Variants in PABPC4 observed in about 807,000 individuals in gnomAD.
PABPC4 encodes the protein polyadenylate-binding protein 4.
PABPC4 carries 15 observed loss-of-function variants against 74.5 expected under a neutral mutation model. The ratio of observed to expected loss-of-function variants is 0.20; its 90% CI spans 0.13 to 0.31. The LOEUF is 0.31. PABPC4 is among the 10% of genes least tolerant of loss of function. PABPC4 has a pLI of 1.00. For missense variants in PABPC4, 610 were observed against 853.5 expected (o/e 0.71, Z 3.55); for synonymous variants, 345 against 303.0 (o/e 1.14, Z -1.44).
Position 39,576,119 on chromosome 1 carries a change from G to A in PABPC4, c.-168C>T. 1.9e-6 allele frequency: 1 copy of A among 520,734 alleles called. No individual in the cohort carries two copies. The highest frequency in any genetic ancestry group is 3.4e-6 in the Non-Finnish European group (1 of 297,578). 32.3% of individuals were successfully genotyped at this position (520,734 alleles called of 1,614,324 possible). A position where few individuals can be genotyped will look rare whatever the true frequency, so the allele number is the denominator to read the frequency against. Reference sequence around the variant, plus strand: ...GGGCTTGGAGACGGGACGGAAACGGGAGGCGGGGGCCGGCTCCCACGGCCG... The same window carrying A: ...GGGCTTGGAGACGGGACGGAAACGGAAGGCGGGGGCCGGCTCCCACGGCCG... On this transcript the variant is annotated 5_prime_UTR_variant, in exon 1 of 16. Coordinates refer to ENST00000372858, the MANE Select transcript of PABPC4 (RefSeq NM_001135653.2).
chr1:39,574,916 G>A (rs1408315637), intron 1 of PABPC4, among the ~76,000 whole-genome samples: 1 of 152,254 alleles, frequency 6.6e-6, no homozygotes, highest in Non-Finnish European at 1.5e-5. Flanking sequence ...TGAGGTGGCA[G>A]AGCACTGTGC....
Position 39,564,749 on chromosome 1 carries a change from T to C in PABPC4, c.1270A>G (p.Thr424Ala). The C allele has an allele frequency of 6.2e-7, 1 of 1,614,020 alleles. No individual in the cohort carries two copies. The highest frequency in any genetic ancestry group is 8.5e-7 in the Non-Finnish European group (1 of 1,179,922). Residue 424 changes from threonine (T) to alanine (A), a missense_variant, in exon 9 of 16, where the codon ACA becomes GCA. Coordinates refer to ENST00000372858, the MANE Select transcript of PABPC4 (RefSeq NM_001135653.2). ...CTCATCTGTGCTAACTGGTTAGGTGTATAATATGGAGGCCTTCCCTGAGCC... is the reference window on the plus strand; with the variant it reads ...CTCATCTGTGCTAACTGGTTAGGTGCATAATATGGAGGCCTTCCCTGAGCC... Reference protein sequence around the residue: ...PQAQGRPPYYTPNQLAQMRPN... With the variant: ...PQAQGRPPYYAPNQLAQMRPN...
chr1:39,574,344 CGTCTATTTCCAGACA>C (rs1645985823), intron 1 of PABPC4, among the ~76,000 whole-genome samples: 1 of 152,300 alleles, frequency 6.6e-6, no homozygotes, highest in South Asian at 2.1e-4. Flanking sequence ...AACAGCTCCT[CGTCTATTTCCAGACA>C]GCACTGCACA....
At chr1:39,564,874 TA>T in intron 8 of PABPC4, 101 bp from the exon 9 acceptor site, 1 of 1,007,754 alleles carries the variant, frequency 9.9e-7, no homozygotes, top group South Asian at 1.5e-5. Context: ...GCTAATTATT[TA>T]AATGTTCTTT....
Position 39,571,118 on chromosome 1 carries a change from G to A in PABPC4, c.503+116C>T, listed in dbSNP as rs958892427. The A allele has an allele frequency of 4.5e-6, 7 of 1,569,620 alleles. No homozygotes were observed. In the South Asian group the frequency reaches 7.1e-5, roughly 16 times the overall value. On this transcript the variant is annotated intron_variant, in intron 3 of 15. Transcript: ENST00000372858. ...TCACCAGCCCTGGAGTGGAGAGGTA[G>A]GAGCAGGCCACACTTGGGCCGAGAA...
chr1:39,561,281 A>G (rs769113961), intron 15 of PABPC4, 159 bp from the exon 16 acceptor site: 3 of 359,694 alleles, frequency 8.3e-6, no homozygotes, highest in Non-Finnish European at 1.7e-5. Flanking sequence ...TGTGTACTGT[A>G]CAACATTTAG....
chr1:39,567,711 G>A (rs899125247), intron 7 of PABPC4, 40 bp downstream of exon 7: 1 of 965,408 alleles, frequency 1.0e-6, no homozygotes, highest in African/African-American at 1.6e-5. Context: ...GCCTATAATG[G>A]AATACCACTG....
Position 39,567,842 on chromosome 1 carries a change from ACCCCCTG to A in PABPC4, c.877-3_880del. 6.4e-7 allele frequency: 1 copy of A among 1,557,578 alleles called. No individual in the cohort carries two copies. Among genetic ancestry groups the A allele is most frequent in the Non-Finnish European group, 8.9e-7 (1 of 1,129,500 alleles). On this transcript the variant is annotated splice_acceptor_variant and splice_polypyrimidine_tract_variant and coding_sequence_variant and intron_variant, in exon 7 of 16. Coordinates refer to ENST00000372858, the MANE Select transcript of PABPC4 (RefSeq NM_001135653.2). LOFTEE classifies it high-confidence loss of function. ...ATCCAAGTTCTTAATGTAGAGATTC[ACCCCCTG>A]AAGGAAAAAGATCACTGTTAACTAC...
intron 10 of PABPC4, 143 bp downstream of exon 10, chr1:39,564,280 A>G: frequency 1.1e-6 from 1 of 876,502 alleles, no homozygotes; most frequent in Non-Finnish European, 1.7e-6. Flanking sequence ...CTGCTCCTGA[A>G]GTGGCCACCT....
chr1:39,574,242 G>A (rs1228106601), intron 1 of PABPC4, among the ~76,000 whole-genome samples: 1 of 152,174 alleles, frequency 6.6e-6, no homozygotes, highest in African/African-American at 2.4e-5. Flanking sequence ...ACAGTCCAGG[G>A]AAAGAGGACT....
rs866680251 is a variant in PABPC4, at chr1:39,569,911, C to T, written c.595G>A (p.Gly199Arg). The change falls in exon 4 of 16, where the codon GGG (glycine) becomes AGG (arginine). Residue 199 changes from glycine (G) to arginine (R), a missense_variant. By Grantham distance (125) the Gly-to-Arg change is moderately radical. This residue lies in a region of PABPC4 where 304 missense variants were observed against 478.9 expected (regional missense o/e 0.63). Coordinates refer to ENST00000372858, the MANE Select transcript of PABPC4 (RefSeq NM_001135653.2). The stretch of plus-strand genomic sequence containing the variant: ...AGACTCTCATCATCCACCTCTTCCC[C>T]AAAGTTTTTGATATAAACATTGGTG... ...EFTNVYIKNF[G>R]EEVDDESLKE... 5.6e-6 allele frequency: 9 copies of T among 1,613,974 alleles called. No individual in the cohort carries two copies. Among genetic ancestry groups the T allele is most frequent in the Non-Finnish European group, 7.6e-6 (9 of 1,180,044 alleles).
chr1:39,568,023 C>T (rs1354632338), intron 6 of PABPC4, 177 bp from the exon 7 acceptor site: 11 of 483,518 alleles, frequency 2.3e-5, no homozygotes, highest in East Asian at 1.2e-4. Flanking sequence ...TTTGGGAGGC[C>T]GAGGCGGGCG....
intron 10 of PABPC4, 92 bp from the exon 11 acceptor site, chr1:39,564,014 G>A (rs556106728): frequency 2.5e-5 from 28 of 1,111,690 alleles, no homozygotes; most frequent in South Asian, 5.3e-5. Flanking sequence ...GCACGTTTAC[G>A]CAACACATTG....
intron 7 of PABPC4, among the ~76,000 whole-genome samples, chr1:39,566,874 T>C (rs559647003): frequency 2.0e-5 from 3 of 152,154 alleles, no homozygotes; most frequent in Admixed American, 2.0e-4. Context: ...AAACCCACAG[T>C]TGGCCTCTGG....
In PABPC4 at chr1:39,567,004, T is replaced by A. The variant is rs1181785925; in HGVS notation, c.972+747A>T. 2.7e-5 allele frequency among the ~76,000 whole-genome samples: 3 copies of A among 109,148 alleles called. No homozygotes were observed. In the East Asian group the frequency reaches 8.5e-4, roughly 31 times the overall value. 71.6% of individuals were successfully genotyped at this position (109,148 alleles called of 152,430 possible). The stretch of plus-strand genomic sequence containing the variant: ...CCAGCCCACGTGGCTTCCCTTCTCA[T>A]CAACTAAAGGATTTTGTGGCATCTG... On this transcript the variant is annotated intron_variant, in intron 7 of 15. Transcript: ENST00000372858.
intron 7 of PABPC4, among the ~76,000 whole-genome samples, chr1:39,565,634 C>T (rs1376892243): frequency 1.3e-5 from 2 of 152,122 alleles, no homozygotes; most frequent in Admixed American, 1.3e-4. Context: ...TCAAGACCAT[C>T]CTGACCAACA....
intron 1 of PABPC4, 32 bp downstream of exon 1, chr1:39,575,727 C>T (rs1013713099): frequency 6.7e-7 from 1 of 1,499,442 alleles, no homozygotes; most frequent in Non-Finnish European, 9.0e-7. Context: ...CCTCCGGGCT[C>T]CCACGCACGT....
Position 39,563,725 on chromosome 1 carries a change from C to A in PABPC4, c.1557G>T (p.Val519=). The part of the protein sequence containing the change: ...SCQSGGVPTA[V]QNLAPRAAVA... Reference sequence around the variant, plus strand: ...CAGCAGCGCGTGGCGCTAAGTTCTGCACAGCTGTGGGAACGCCTTAGGGAA... The same window carrying A: ...CAGCAGCGCGTGGCGCTAAGTTCTGAACAGCTGTGGGAACGCCTTAGGGAA... The change falls in exon 12 of 16, where the codon GTG becomes GTT. Residue 519 remains valine (V), a synonymous_variant. Transcript: ENST00000372858. The A allele has an allele frequency of 6.2e-7, 1 of 1,614,212 alleles. No homozygotes were observed. Among genetic ancestry groups the A allele is most frequent in the East Asian group, 2.2e-5 (1 of 44,892 alleles).
At chr1:39,573,513 G>C (rs1645972352) in intron 1 of PABPC4, among the ~76,000 whole-genome samples, 1 of 152,144 alleles carries the variant, frequency 6.6e-6, no homozygotes, top group African/African-American at 2.4e-5. Context: ...GTACACCAGA[G>C]ACAATTTAAA....
Sources: allele counts gnomAD v4.1 joint callset (sites outside exome capture counted in the v4.1 genomes callset), GRCh38; gene constraint gnomAD v4.1.1; regional missense constraint gnomAD v4.1.1; transcripts MANE v1.5; gene names NCBI Gene and HGNC (gene_info 2026-07-23, HGNC 2026-07-21).